The following SOX5 variants were observed in gnomAD, a reference collection of about 807,000 sequenced individuals.
The protein encoded by SOX5 is SRY-box transcription factor 5, also known as transcription factor SOX-5.
Under a neutral mutation model 92.0 loss-of-function variants are expected in SOX5, and 9 were observed. The observed-to-expected ratio is 0.10, with a 90% CI of 0.06 to 0.17. The LOEUF is 0.17. SOX5 is among the 10% of genes least tolerant of loss of function. SOX5 has a pLI of 1.00. For missense variants in SOX5, 642 were observed against 944.5 expected, an observed-to-expected ratio of 0.68 and a Z score of 4.20; for synonymous variants, 344 against 336.3, an observed-to-expected ratio of 1.02 and a Z score of -0.25.
intron 2 of SOX5, among the ~76,000 whole-genome samples, chr12:23,848,382 C>T (rs1311414386): frequency 6.6e-6 from 1 of 152,116 alleles, no homozygotes; most frequent in South Asian, 2.1e-4. Flanking sequence ...CACAAGTATT[C>T]TAAACTCAGT....
chr12:24,527,492 G>T (rs1284197694), intron 1 of SOX5, among the ~76,000 whole-genome samples: 3 of 152,154 alleles, frequency 2.0e-5, no homozygotes, highest in African/African-American at 2.4e-5. Context: ...CTGGTTTGGG[G>T]CATGGCTTGA....
intron 10 of SOX5, 56 bp from the exon 11 acceptor site, chr12:23,563,459 C>T (rs1178684470): frequency 5.4e-5 from 82 of 1,513,194 alleles, no homozygotes; most frequent in East Asian, 6.9e-5. Context: ...TCTAGGCTAG[C>T]GTTTAACCAT....
intron 2 of SOX5, among the ~76,000 whole-genome samples, chr12:24,339,144 CT>C (rs1952264440): frequency 7.6e-6 from 1 of 130,810 alleles, no homozygotes; most frequent in South Asian, 2.6e-4. Context: ...CTCTGTTTCT[CT>C]CTCTCTCTCT....
intron 4 of SOX5, among the ~76,000 whole-genome samples, chr12:23,983,843 T>C (rs556181782): frequency 4.6e-5 from 7 of 152,292 alleles, no homozygotes; most frequent in Non-Finnish European, 7.4e-5. Flanking sequence ...AAGTTTACAA[T>C]ATTATCCTCT....
chr12:24,183,729 A>G (rs1263530599), intron 4 of SOX5, among the ~76,000 whole-genome samples: 1 of 152,200 alleles, frequency 6.6e-6, no homozygotes. Context: ...GCACATACAA[A>G]ATTAAGATTC....
At chr12:24,004,075 G>C (rs1951888174) in intron 4 of SOX5, among the ~76,000 whole-genome samples, 1 of 151,978 alleles carries the variant, frequency 6.6e-6, no homozygotes, top group Non-Finnish European at 1.5e-5. Flanking sequence ...TTAACAAGTT[G>C]TGCTGCAACA....
intron 3 of SOX5, among the ~76,000 whole-genome samples, chr12:23,770,842 T>G (rs766591722): frequency 5.1e-4 from 77 of 152,146 alleles, no homozygotes; most frequent in Non-Finnish European, 6.9e-4. Context: ...CTACAAACAG[T>G]AAGTGGTCAG....
chr12:24,037,710 T>C (rs1468475246), intron 4 of SOX5, among the ~76,000 whole-genome samples: 1 of 152,194 alleles, frequency 6.6e-6, no homozygotes, highest in African/African-American at 2.4e-5. Context: ...GGAAAAGATG[T>C]TACATGTCAT....
intron 9 of SOX5, among the ~76,000 whole-genome samples, chr12:23,577,135 G>GTT (rs1179774077): frequency 8.4e-6 from 1 of 118,738 alleles, no homozygotes; most frequent in East Asian, 2.7e-4. Flanking sequence ...TCGATATCAA[G>GTT]TTTATATATA....
rs1275915284 is a variant in SOX5 at position 23,734,771 on chromosome 12, T to C, written c.742-19A>G. Reference sequence around the variant, plus strand: ...TTGCAATCTGTGAAGAAATTGCACATGAGAAATTTACAAGTATATTGTAGT... The same window carrying C: ...TTGCAATCTGTGAAGAAATTGCACACGAGAAATTTACAAGTATATTGTAGT... On this transcript the variant is annotated intron_variant, in intron 5 of 14. Coordinates refer to ENST00000451604, the MANE Select transcript of SOX5 (RefSeq NM_006940.6). 1 of 1,606,398 alleles carries C rather than the reference T, an allele frequency of 6.2e-7. No homozygotes were observed. The highest frequency in any genetic ancestry group is 1.3e-5 in the African/African-American group (1 of 74,704).
intron 4 of SOX5, among the ~76,000 whole-genome samples, chr12:24,052,397 ACT>A (rs1324913975): frequency 3.9e-5 from 6 of 152,232 alleles, no homozygotes; most frequent in Admixed American, 1.3e-4. Flanking sequence ...AATATTTAAT[ACT>A]CTCTTGTTAA....
intron 3 of SOX5, among the ~76,000 whole-genome samples, chr12:23,827,791 T>C (rs947952958): frequency 4.6e-5 from 7 of 152,004 alleles, no homozygotes; most frequent in African/African-American, 1.5e-4. Context: ...AAGCAATAGC[T>C]TTTTTTTGTT....
intron 5 of SOX5, among the ~76,000 whole-genome samples, chr12:23,735,302 A>G (rs2140914518): frequency 6.6e-6 from 1 of 152,230 alleles, no homozygotes; most frequent in South Asian, 2.1e-4. Context: ...TTTTACCAAA[A>G]TGATTCTTAA....
At chr12:24,018,522 G>T (rs368755973) in intron 4 of SOX5, among the ~76,000 whole-genome samples, 1 of 152,050 alleles carries the variant, frequency 6.6e-6, no homozygotes, top group Non-Finnish European at 1.5e-5. Flanking sequence ...CTGGCTGGGC[G>T]TGGTGGCTCA....
intron 3 of SOX5, among the ~76,000 whole-genome samples, chr12:24,274,330 T>C (rs908784094): frequency 2.0e-5 from 3 of 152,202 alleles, no homozygotes; most frequent in African/African-American, 4.8e-5. Context: ...TATTCTGTCT[T>C]CCTATTGAAT....
chr12:23,725,262 T>C (rs1448881883), intron 6 of SOX5, among the ~76,000 whole-genome samples: 1 of 152,152 alleles, frequency 6.6e-6, no homozygotes, highest in South Asian at 2.1e-4. Flanking sequence ...TATCCAAGAC[T>C]GAGTAATTTA....
chr12:24,326,779 C>CATACACACAT (rs1950735580), intron 2 of SOX5, among the ~76,000 whole-genome samples: 1 of 111,628 alleles, frequency 9.0e-6, no homozygotes, highest in Non-Finnish European at 1.9e-5. Context: ...CCCACCCATT[C>CATACACACAT]ATACACACAC....
chr12:23,665,537 T>C lies in SOX5; in HGVS notation c.838A>G (p.Ile280Val). 2 of 1,613,350 alleles carry C rather than the reference T, an allele frequency of 1.2e-6. No individual in the cohort carries two copies. Among genetic ancestry groups the C allele is most frequent in the Non-Finnish European group, 1.7e-6 (2 of 1,179,502 alleles). The change falls in exon 7 of 15, where the codon ATT becomes GTT. Residue 280 changes from isoleucine (I) to valine (V), a missense_variant. Physicochemically the swap from Ile to Val is conservative, Grantham distance 29. Transcript: ENST00000451604. Reference protein sequence around the residue: ...QVQGQLPPLMIPVFPPDQRTL... With the variant: ...QVQGQLPPLMVPVFPPDQRTL... ...CGTTGATCAGGAGGGAATACGGGAA[T>C]CATTAATGGCGGCAGCTGACCTTGA...
chr12:23,906,531 G>A (rs2097295139), intron 1 of SOX5, among the ~76,000 whole-genome samples: 1 of 152,136 alleles, frequency 6.6e-6, no homozygotes, highest in Non-Finnish European at 1.5e-5. Flanking sequence ...CATACGGCTG[G>A]TCTCTGAGTC....
Sources: gnomAD v4.1 joint callset for allele counts (sites outside exome capture counted in the v4.1 genomes callset) on GRCh38, gnomAD v4.1.1 for gene constraint, MANE v1.5 for transcripts, NCBI Gene and HGNC (gene_info 2026-07-23, HGNC 2026-07-21) for gene names.